TJP2: variants seen among roughly 807,000 people sequenced by gnomAD.
TJP2 encodes Friedreich ataxia region gene X104 (tight junction protein ZO-2).
A neutral mutation model predicts 133.1 loss-of-function variants in TJP2; 91 were observed. The ratio of observed to expected loss-of-function variants is 0.68; its 90% CI spans 0.58 to 0.81. TJP2 has a LOEUF of 0.81. Ranked by LOEUF, TJP2 falls within the 40% of genes least tolerant of loss-of-function variation. The probability of loss-of-function intolerance (pLI) is 0.00; values close to 1 mark genes in which losing one functional copy is unlikely to be tolerated. For missense variants in TJP2, 1,541 were observed against 1,565.6 expected, an observed-to-expected ratio of 0.98 and a Z score of 0.26; for synonymous variants, 592 against 583.4, an observed-to-expected ratio of 1.01 and a Z score of -0.21.
At chr9:69,220,486 C>T (rs568968320) in intron 4 of TJP2, among the ~76,000 whole-genome samples, 11 of 152,326 alleles carry the variant, frequency 7.2e-5, no homozygotes, top group African/African-American at 2.6e-4. Flanking sequence ...TTTCTTCTAT[C>T]AGACCATATA....
intron 2 of TJP2, among the ~76,000 whole-genome samples, chr9:69,154,174 A>G (rs1033343635): frequency 3.3e-5 from 5 of 152,216 alleles, no homozygotes; most frequent in African/African-American, 7.2e-5. Context: ...TACTAATTCT[A>G]CAGAGCTTGA....
chr9:69,218,807 C>T (rs985529238), intron 4 of TJP2, among the ~76,000 whole-genome samples: 1 of 152,206 alleles, frequency 6.6e-6, no homozygotes, highest in African/African-American at 2.4e-5. Context: ...TGAGAATCAA[C>T]TGTGAGCTGG....
chr9:69,173,745 C>T (rs1824824176), upstream of TJP2, among the ~76,000 whole-genome samples: 1 of 152,210 alleles, frequency 6.6e-6, no homozygotes, highest in Non-Finnish European at 1.5e-5. Flanking sequence ...AGAACTGAAG[C>T]TGCCTGTGTG....
chr9:69,241,360 A>C (rs1159108811), intron 17 of TJP2, among the ~76,000 whole-genome samples: 1 of 152,234 alleles, frequency 6.6e-6, no homozygotes, highest in Non-Finnish European at 1.5e-5. Context: ...GACTGCAAGG[A>C]TATGATATCC....
At chr9:69,182,670 G>A (rs1825594612) in intron 1 of TJP2, among the ~76,000 whole-genome samples, 1 of 151,756 alleles carries the variant, frequency 6.6e-6, no homozygotes, top group African/African-American at 2.4e-5. Flanking sequence ...CACGACCTCT[G>A]TTACAAGTCT....
intron 1 of TJP2, among the ~76,000 whole-genome samples, chr9:69,208,597 A>G (rs954785153): frequency 6.6e-6 from 1 of 152,248 alleles, no homozygotes; most frequent in African/African-American, 2.4e-5. Flanking sequence ...ACAAATTTAA[A>G]TCCAAAACTT....
chr9:69,143,108 A>G (rs1823076551), intron 1 of TJP2, among the ~76,000 whole-genome samples: 1 of 152,256 alleles, frequency 6.6e-6, no homozygotes, highest in South Asian at 2.1e-4. Flanking sequence ...GAAGAAAAGC[A>G]AATTCTTTCT....
chr9:69,150,252 TTTATG>T (rs1412459684), intron 1 of TJP2, among the ~76,000 whole-genome samples: 40 of 152,072 alleles, frequency 2.6e-4, no homozygotes, highest in Admixed American at 2.6e-3. Flanking sequence ...AATGGTAAAT[TTTATG>T]TTATGTGTAT....
intron 1 of TJP2, among the ~76,000 whole-genome samples, chr9:69,189,082 G>A (rs1456413642): frequency 1.3e-5 from 2 of 152,214 alleles, no homozygotes; most frequent in African/African-American, 2.4e-5. Flanking sequence ...GAGTAGACTA[G>A]TCAGCTTTCT....
chr9:69,137,291 CTTTCTTTCT>C (rs1564372640), intron 1 of TJP2, among the ~76,000 whole-genome samples: 28 of 75,518 alleles, frequency 3.7e-4, no homozygotes, highest in African/African-American at 1.3e-3. Context: ...TTCTTTCTTT[CTTTCTTTCT>C]TTTCTTTTCT....
chr9:69,248,721 T>G, intron 19 of TJP2: 1 of 998,124 alleles, frequency 1.0e-6, no homozygotes, highest in Non-Finnish European at 1.2e-6. Context: ...CAAACCTTCA[T>G]CTGATCACAT....
At chr9:69,173,956 G>A (rs1002080316), upstream of TJP2, 5 of 985,276 alleles carry the variant, frequency 5.1e-6, no homozygotes, top group African/African-American at 3.5e-5. Context: ...CGGGCTGGCG[G>A]GGGTGGAGGG....
At chr9:69,221,531 T>A in intron 5 of TJP2, 35 bp downstream of exon 5, 1 of 1,587,910 alleles carries the variant, frequency 6.3e-7, no homozygotes. Context: ...AAAGCACTGT[T>A]GTGATATGAA....
intron 2 of TJP2, among the ~76,000 whole-genome samples, chr9:69,158,697 C>G (rs1375805895): frequency 6.6e-6 from 1 of 152,126 alleles, no homozygotes; most frequent in Non-Finnish European, 1.5e-5. Context: ...AAGCAATCCT[C>G]CTGCTTCAGC....
chr9:69,160,613 T>C (rs1419024578), intron 2 of TJP2, among the ~76,000 whole-genome samples: 1 of 152,142 alleles, frequency 6.6e-6, no homozygotes, highest in African/African-American at 2.4e-5. Flanking sequence ...CTTGAAAACA[T>C]AGTGAGAAGC....
At chr9:69,186,334 A>G (rs1825859506) in intron 1 of TJP2, among the ~76,000 whole-genome samples, 1 of 152,212 alleles carries the variant, frequency 6.6e-6, no homozygotes, top group Non-Finnish European at 1.5e-5. Context: ...CTACTTCCGA[A>G]GGCTCCTTGC....
intron 1 of TJP2, among the ~76,000 whole-genome samples, chr9:69,134,037 G>A (rs1312931664): frequency 6.6e-6 from 1 of 151,920 alleles, no homozygotes; most frequent in Non-Finnish European, 1.5e-5. Flanking sequence ...TCCTACCCTG[G>A]TTCCATGGTC....
At chr9:69,141,105 C>T (rs1196969056) in intron 1 of TJP2, among the ~76,000 whole-genome samples, 1 of 152,216 alleles carries the variant, frequency 6.6e-6, no homozygotes, top group East Asian at 1.9e-4. Context: ...CCCGCCTCAG[C>T]CTCCCAAAGT....
At chr9:69,212,422 T>G (rs2133209320) in intron 1 of TJP2, 126 bp from the exon 2 acceptor site, 1 of 736,652 alleles carries the variant, frequency 1.4e-6, no homozygotes, top group East Asian at 2.6e-5. Flanking sequence ...TGAACAGATA[T>G]TAACTCTTTT....
Sources: gnomAD v4.1 joint callset for allele counts (sites outside exome capture counted in the v4.1 genomes callset) on GRCh38, gnomAD v4.1.1 for gene constraint, MANE v1.5 for transcripts, NCBI Gene and HGNC (gene_info 2026-07-23, HGNC 2026-07-21) for gene names.